MACROD2: variants seen among roughly 807,000 people sequenced by gnomAD.
MACROD2 encodes mono-ADP ribosylhydrolase 2, also known as ADP-ribose glycohydrolase MACROD2.
MACROD2 carries 36 observed loss-of-function variants against 70.4 expected under a neutral mutation model. The observed-to-expected ratio is 0.51, with a 90% confidence interval of 0.39 to 0.68. The LOEUF is 0.68. Among genes scored for constraint, MACROD2 ranks in the 30% least tolerant of loss-of-function variants. The probability of loss-of-function intolerance (pLI) is 0.00; values close to 1 mark genes in which losing one functional copy is unlikely to be tolerated. For synonymous variants in MACROD2, 172 were observed against 178.8 expected (o/e 0.96, Z 0.30); for missense variants, 496 against 538.4 (o/e 0.92, Z 0.78).
chr20:14,711,158 T>C (rs1568752482), intron 5 of MACROD2, among the ~76,000 whole-genome samples: 2 of 152,338 alleles, frequency 1.3e-5, no homozygotes, highest in Admixed American at 1.3e-4. Context: ...CAGATTGCTC[T>C]GGAGTGGGTC....
chr20:15,001,338 T>A (rs978610227), intron 5 of MACROD2, among the ~76,000 whole-genome samples: 9 of 152,248 alleles, frequency 5.9e-5, no homozygotes, highest in African/African-American at 2.2e-4. Flanking sequence ...TTCTCCTTCC[T>A]TTTGAGAACC....
At chr20:15,727,837 G>A (rs1439137752) in intron 8 of MACROD2, among the ~76,000 whole-genome samples, 1 of 152,014 alleles carries the variant, frequency 6.6e-6, no homozygotes, top group African/African-American at 2.4e-5. Context: ...AGAGACTATG[G>A]GGTTTTCTAG....
chr20:15,027,624 C>T (rs1600970227), intron 5 of MACROD2, among the ~76,000 whole-genome samples: 1 of 151,264 alleles, frequency 6.6e-6, no homozygotes, highest in East Asian at 1.9e-4. Flanking sequence ...CCTGTAATCC[C>T]AGCACTTTTG....
chr20:15,050,178 A>G (rs2075427940), intron 5 of MACROD2, among the ~76,000 whole-genome samples: 1 of 152,112 alleles, frequency 6.6e-6, no homozygotes, highest in East Asian at 1.9e-4. Context: ...GCTTTTGATG[A>G]TTCTCTCTTT....
intron 5 of MACROD2, among the ~76,000 whole-genome samples, chr20:15,222,888 TCTA>T (rs2076873938): frequency 6.6e-6 from 1 of 152,232 alleles, no homozygotes; most frequent in African/African-American, 2.4e-5. Context: ...TGTAAATAAT[TCTA>T]CTGCTTTCAA....
At chr20:14,378,958 TG>T (rs984914656) in intron 3 of MACROD2, among the ~76,000 whole-genome samples, 3 of 152,198 alleles carry the variant, frequency 2.0e-5, no homozygotes, top group African/African-American at 7.2e-5. Flanking sequence ...TGTTCTTCAG[TG>T]GGTTAGAAGT....
chr20:15,490,584 A>G (rs979407380), intron 7 of MACROD2, among the ~76,000 whole-genome samples: 1 of 152,088 alleles, frequency 6.6e-6, no homozygotes, highest in African/African-American at 2.4e-5. Flanking sequence ...ATATAAATCC[A>G]AATTAATTCT....
intron 5 of MACROD2, among the ~76,000 whole-genome samples, chr20:14,864,005 T>G (rs1568842593): frequency 6.6e-6 from 1 of 152,112 alleles, no homozygotes; most frequent in African/African-American, 2.4e-5. Flanking sequence ...TCAGGAGAAG[T>G]GGGGCCATAC....
At chr20:15,770,959 G>A (rs189265363) in intron 8 of MACROD2, among the ~76,000 whole-genome samples, 145 of 152,276 alleles carry the variant, frequency 9.5e-4, no homozygotes, top group African/African-American at 3.4e-3. Context: ...CCAAATCAAT[G>A]AGGAATGAGA....
rs938021407 is a variant in MACROD2, at chr20:14,594,979, T to C, written c.302-89864T>C. Among the ~76,000 whole-genome samples the C allele has an allele frequency of 2.6e-5, 4 of 152,294 alleles. No individual in the cohort carries two copies. In the East Asian group the frequency reaches 7.7e-4, roughly 29 times the overall value. On this transcript the variant is annotated intron_variant, in intron 4 of 17. Transcript: ENST00000684519. ...ATTATTTCACCATACACTTTTCCTG[T>C]CTTTTTTTCCCCCTCTGGTATAAAT...
chr20:14,770,433 T>C (rs981673519), intron 5 of MACROD2, among the ~76,000 whole-genome samples: 1 of 152,102 alleles, frequency 6.6e-6, no homozygotes, highest in Admixed American at 6.5e-5. Context: ...TAAAACTATG[T>C]CTTAAAATAT....
chr20:14,417,059 T>TATC (rs2083814991), intron 3 of MACROD2, among the ~76,000 whole-genome samples: 1 of 74,150 alleles, frequency 1.3e-5, no homozygotes, highest in African/African-American at 3.5e-5. Context: ...TCTATCTATC[T>TATC]ATCTATCATC....
intron 2 of MACROD2, among the ~76,000 whole-genome samples, chr20:14,014,238 C>G (rs562730915): frequency 6.9e-6 from 1 of 144,660 alleles, no homozygotes; most frequent in African/African-American, 2.5e-5. Context: ...CTCCCCCCCA[C>G]CCCCAATAAT....
At chr20:14,862,481 AT>A (rs2073363147) in intron 5 of MACROD2, among the ~76,000 whole-genome samples, 2 of 41,358 alleles carry the variant, frequency 4.8e-5, no homozygotes, top group African/African-American at 1.8e-4. Context: ...ATATAAATAT[AT>A]ATAAATATAT....
At chr20:15,285,828 GT>G (rs1440890131) in intron 6 of MACROD2, among the ~76,000 whole-genome samples, 1 of 152,192 alleles carries the variant, frequency 6.6e-6, no homozygotes, top group Non-Finnish European at 1.5e-5. Flanking sequence ...TACTATGAAA[GT>G]TAGCTTTCTT....
chr20:15,857,832 T>C (rs969741), intron 8 of MACROD2, among the ~76,000 whole-genome samples: 4,607 of 152,304 alleles, frequency 0.03, 139 homozygotes, highest in East Asian at 0.13. Flanking sequence ...GGAGAGATGA[T>C]GGCTTGTCCG....
intron 9 of MACROD2, among the ~76,000 whole-genome samples, chr20:15,875,332 C>A (rs2064652900): frequency 1.3e-5 from 2 of 152,102 alleles, no homozygotes; most frequent in Non-Finnish European, 2.9e-5. Flanking sequence ...CCAAATGATA[C>A]ATTCAATGTA....
intron 15 of MACROD2, among the ~76,000 whole-genome samples, chr20:16,025,661 C>A (rs565891851): frequency 6.6e-6 from 1 of 152,184 alleles, no homozygotes; most frequent in South Asian, 2.1e-4. Flanking sequence ...TGTGGATTGA[C>A]CTCTGCCATT....
At chr20:15,021,057 C>G (rs1352433873) in intron 5 of MACROD2, among the ~76,000 whole-genome samples, 36 of 141,094 alleles carry the variant, frequency 2.6e-4, no homozygotes, top group African/African-American at 8.4e-4. Flanking sequence ...TACACATGTG[C>G]ATATGTATAC....
Sources: allele counts gnomAD v4.1 joint callset (sites outside exome capture counted in the v4.1 genomes callset), GRCh38; gene constraint gnomAD v4.1.1; transcripts MANE v1.5; gene names NCBI Gene and HGNC (gene_info 2026-07-23, HGNC 2026-07-21).